Variants in COL5A2 observed in about 807,000 individuals in gnomAD.
COL5A2 encodes the protein collagen type V alpha 2 chain, also known as collagen alpha-2(V) chain.
A neutral mutation model predicts 208.2 loss-of-function variants in COL5A2; 23 were observed. The ratio of observed to expected loss-of-function variants is 0.11; its 90% CI spans 0.08 to 0.16. COL5A2 has a LOEUF of 0.16. COL5A2 is among the 10% of genes least tolerant of loss of function. COL5A2 has a pLI of 1.00. For missense variants in COL5A2, 1,590 were observed against 1,956.4 expected (o/e 0.81, Z 3.53); for synonymous variants, 625 against 628.5 (o/e 0.99, Z 0.08).
chr2:189,094,366 C>A (rs72906336), intron 6 of COL5A2, among the ~76,000 whole-genome samples: 20,191 of 151,824 alleles, frequency 0.13, 1,376 homozygotes, highest in Middle Eastern at 0.19. Flanking sequence ...TCCAAGTGAG[C>A]TGAATTACAT....
chr2:189,104,376 G>T, intron 2 of COL5A2, 99 bp from the exon 3 acceptor site: 1 of 869,480 alleles, frequency 1.2e-6, no homozygotes, highest in South Asian at 1.3e-5. Context: ...TCTGGAGTCA[G>T]AATTACAGTG....
At chr2:189,278,308 T>C in the COL5A2 span, among the ~76,000 whole-genome samples, 7 of 152,136 alleles carry the variant, frequency 4.6e-5, no homozygotes, top group Non-Finnish European at 8.8e-5. Flanking sequence ...TATTTCTCAA[T>C]TACGGTAGAT....
At chr2:189,280,996 T>C in the COL5A2 span, among the ~76,000 whole-genome samples, 2 of 151,898 alleles carry the variant, frequency 1.3e-5, no homozygotes, top group Non-Finnish European at 2.9e-5. Context: ...ACAATAACTT[T>C]TGCACCAATC....
intron 15 of COL5A2, 36 bp downstream of exon 15, chr2:189,079,027 C>T: frequency 1.3e-6 from 2 of 1,558,732 alleles, no homozygotes; most frequent in Non-Finnish European, 1.8e-6. Flanking sequence ...GAAATATAAC[C>T]TTAGAAATTT....
chr2:189,344,598 A>C, the COL5A2 span, among the ~76,000 whole-genome samples: 13 of 152,200 alleles, frequency 8.5e-5, no homozygotes, highest in Admixed American at 6.5e-4. Flanking sequence ...TGAAACAGTC[A>C]GGATGCTTCC....
At chr2:189,417,064 G>A in the COL5A2 span, among the ~76,000 whole-genome samples, 1 of 151,944 alleles carries the variant, frequency 6.6e-6, no homozygotes, top group East Asian at 1.9e-4. Flanking sequence ...TATTTTTTAT[G>A]GCATAAGGAT....
the COL5A2 span, among the ~76,000 whole-genome samples, chr2:189,312,670 ACAGGTGTGTT>A: frequency 3.3e-5 from 5 of 152,084 alleles, no homozygotes; most frequent in Non-Finnish European, 7.4e-5. Flanking sequence ...GCCACCTCCC[ACAGGTGTGTT>A]CAGGCTGGCA....
At chr2:189,428,188 C>T in the COL5A2 span, among the ~76,000 whole-genome samples, 1 of 152,086 alleles carries the variant, frequency 6.6e-6, no homozygotes, top group Non-Finnish European at 1.5e-5. Flanking sequence ...TGTGTACCTG[C>T]CCAGATCTCA....
chr2:189,288,612 T>C, the COL5A2 span, among the ~76,000 whole-genome samples: 3 of 152,178 alleles, frequency 2.0e-5, no homozygotes, highest in African/African-American at 7.2e-5. Flanking sequence ...TAGAGCCTCG[T>C]GGCTTCACTG....
At chr2:189,321,990 G>A in the COL5A2 span, among the ~76,000 whole-genome samples, 2 of 152,340 alleles carry the variant, frequency 1.3e-5, no homozygotes, top group East Asian at 3.9e-4. Context: ...TCAGACCACA[G>A]TGCAATCAAA....
intron 1 of COL5A2, among the ~76,000 whole-genome samples, chr2:189,112,670 A>G (rs1001604470): frequency 3.9e-5 from 6 of 152,230 alleles, no homozygotes; most frequent in African/African-American, 1.4e-4. Context: ...CTTGTATCAC[A>G]TAATACATAT....
chr2:189,188,766 A>G (rs1278103493), intron 1 of COL5A2, among the ~76,000 whole-genome samples: 2 of 152,248 alleles, frequency 1.3e-5, no homozygotes, highest in African/African-American at 4.8e-5. Context: ...GGAGTCATTC[A>G]TCTCAACAGG....
the COL5A2 span, among the ~76,000 whole-genome samples, chr2:189,319,198 G>C: frequency 6.6e-6 from 1 of 152,202 alleles, no homozygotes; most frequent in African/African-American, 2.4e-5. Context: ...CTGCAAGATG[G>C]CCGAATAGGA....
the COL5A2 span, among the ~76,000 whole-genome samples, chr2:189,430,890 T>G: frequency 6.6e-6 from 1 of 152,212 alleles, no homozygotes; most frequent in African/African-American, 2.4e-5. Context: ...CTGACCCCTG[T>G]GTAGACTAAC....
intron 52 of COL5A2, among the ~76,000 whole-genome samples, chr2:189,035,516 G>C (rs901913893): frequency 1.8e-4 from 27 of 151,830 alleles, no homozygotes; most frequent in Non-Finnish European, 7.4e-5. Flanking sequence ...AAAATCTTTT[G>C]ACCCCAACTA....
At position 189,104,295 on chromosome 2, in the gene COL5A2, T is replaced by A; in HGVS notation, c.323-18A>T. 1.4e-6 allele frequency: 2 copies of A among 1,462,526 alleles called. No individual in the cohort carries two copies. The highest frequency in any genetic ancestry group is 1.1e-5 in the South Asian group (1 of 87,976). 90.6% of individuals were successfully genotyped at this position (1,462,526 alleles called of 1,614,324 possible). Reference sequence around the variant, plus strand: ...TCCTCTACCTGTAAAAAGAAAAGAGTAAATGTGTTATTTTATGAGGAAACA... The same window carrying A: ...TCCTCTACCTGTAAAAAGAAAAGAGAAAATGTGTTATTTTATGAGGAAACA... On this transcript the variant is annotated intron_variant, in intron 2 of 53. Coordinates refer to ENST00000374866, the MANE Select transcript of COL5A2 (RefSeq NM_000393.5).
At chr2:189,035,260 G>C in intron 52 of COL5A2, 105 bp from the exon 53 acceptor site, 1 of 1,417,188 alleles carries the variant, frequency 7.1e-7, no homozygotes, top group Non-Finnish European at 9.8e-7. Flanking sequence ...AATCAATTTT[G>C]AAGAGTATTA....
chr2:189,146,588 G>A (rs186955138), intron 1 of COL5A2, among the ~76,000 whole-genome samples: 133 of 152,244 alleles, frequency 8.7e-4, no homozygotes, highest in African/African-American at 2.9e-3. Context: ...AAGAAAAAAG[G>A]AATGCCATAT....
chr2:189,350,306 A>G, the COL5A2 span, among the ~76,000 whole-genome samples: 1 of 152,202 alleles, frequency 6.6e-6, no homozygotes, highest in Non-Finnish European at 1.5e-5. Context: ...ATGAAGGTCA[A>G]TCTGTTTCTT....
Sources: allele counts gnomAD v4.1 joint callset (sites outside exome capture counted in the v4.1 genomes callset), GRCh38; gene constraint gnomAD v4.1.1; transcripts MANE v1.5; gene names NCBI Gene and HGNC (gene_info 2026-07-23, HGNC 2026-07-21).